KCNH7: variants seen among roughly 807,000 people sequenced by gnomAD.
The protein encoded by KCNH7 is voltage-gated inwardly rectifying potassium channel KCNH7.
KCNH7 carries 49 observed loss-of-function variants against 120.8 expected under a neutral mutation model. That is an observed-to-expected ratio of 0.41 (90% CI 0.32 to 0.51). KCNH7 has a LOEUF of 0.51. KCNH7 is among the 20% of genes least tolerant of loss of function. The pLI is 0.38. For missense variants in KCNH7, 1,097 were observed against 1,446.6 expected, an observed-to-expected ratio of 0.76 and a Z score of 3.92; for synonymous variants, 547 against 516.1, an observed-to-expected ratio of 1.06 and a Z score of -0.81.
intron 2 of KCNH7, among the ~76,000 whole-genome samples, chr2:162,611,167 G>A (rs978880176): frequency 1.3e-5 from 2 of 152,188 alleles, no homozygotes; most frequent in South Asian, 2.1e-4. Context: ...CCACCGTGGG[G>A]CCTGCTGGGT....
intron 2 of KCNH7, among the ~76,000 whole-genome samples, chr2:162,824,420 C>A (rs1017083205): frequency 6.6e-6 from 1 of 151,944 alleles, no homozygotes; most frequent in East Asian, 1.9e-4. Context: ...CATTGGGGGG[C>A]AAATTCTGAG....
chr2:162,410,305 C>A (rs191270925), intron 9 of KCNH7, among the ~76,000 whole-genome samples: 1 of 152,054 alleles, frequency 6.6e-6, no homozygotes, highest in African/African-American at 2.4e-5. Context: ...TTCAACAAAG[C>A]TGACAATAAC....
chr2:162,690,572 A>G (rs1217690693), intron 2 of KCNH7, among the ~76,000 whole-genome samples: 3 of 152,150 alleles, frequency 2.0e-5, no homozygotes. Flanking sequence ...AGATTAAAAA[A>G]TACTTGAGGA....
At chr2:162,515,017 C>T (rs1221073766) in intron 4 of KCNH7, among the ~76,000 whole-genome samples, 5 of 151,728 alleles carry the variant, frequency 3.3e-5, no homozygotes, top group African/African-American at 9.7e-5. Flanking sequence ...AGTTTTCCAT[C>T]TTTCCTTATC....
intron 2 of KCNH7, among the ~76,000 whole-genome samples, chr2:162,813,014 A>G (rs1684789942): frequency 6.6e-6 from 1 of 152,150 alleles, no homozygotes; most frequent in Non-Finnish European, 1.5e-5. Context: ...GAATTTTTAC[A>G]TGGAAAGGAG....
chr2:162,747,672 G>T (rs1688360311), intron 2 of KCNH7, among the ~76,000 whole-genome samples: 1 of 152,040 alleles, frequency 6.6e-6, no homozygotes. Context: ...GAATTTAAAG[G>T]CTTCCTGTAA....
At position 162,539,026 on chromosome 2, in the gene KCNH7, C is replaced by G. The variant is rs74535853; in HGVS notation, c.308-1946G>C. On this transcript the variant is annotated intron_variant, in intron 2 of 15. Coordinates refer to ENST00000332142, the MANE Select transcript of KCNH7 (RefSeq NM_033272.4). ...GTTGGAAAATATGCCTTAGGAATGG[C>G]AAGCTGCACCTTCAGTCTTCAGCTT... Among the ~76,000 whole-genome samples, 773 of 152,162 alleles carry G rather than the reference C, an allele frequency of 5.1e-3. 5 individuals carry two copies. The highest frequency in any genetic ancestry group is 0.018 in the African/African-American group (742 of 41,544).
chr2:162,396,601 G>T, intron 11 of KCNH7, 139 bp downstream of exon 11: 1 of 626,042 alleles, frequency 1.6e-6, no homozygotes, highest in Non-Finnish European at 2.7e-6. Flanking sequence ...TTAATATTCA[G>T]TTGGCCTTTC....
At chr2:162,393,408 C>T (rs1686802014) in intron 12 of KCNH7, among the ~76,000 whole-genome samples, 2 of 151,762 alleles carry the variant, frequency 1.3e-5, no homozygotes, top group Non-Finnish European at 2.9e-5. Flanking sequence ...AATGGGATCA[C>T]CCAGAGAAAG....
At chr2:162,484,768 C>G (rs1690038106) in intron 6 of KCNH7, among the ~76,000 whole-genome samples, 2 of 152,188 alleles carry the variant, frequency 1.3e-5, no homozygotes, top group South Asian at 4.1e-4. Flanking sequence ...CTATTCATTC[C>G]CATGAGAGCT....
At chr2:162,526,794 T>C (rs1304865224) in intron 3 of KCNH7, among the ~76,000 whole-genome samples, 1 of 151,894 alleles carries the variant, frequency 6.6e-6, no homozygotes, top group Non-Finnish European at 1.5e-5. Flanking sequence ...CGGACATACA[T>C]CCTCCTCAGC....
chr2:162,511,893 G>A (rs1285592731), intron 5 of KCNH7, among the ~76,000 whole-genome samples: 2 of 151,638 alleles, frequency 1.3e-5, no homozygotes. Context: ...CAGCATGCAT[G>A]GCCTATGTTG....
intron 2 of KCNH7, among the ~76,000 whole-genome samples, chr2:162,828,946 G>A (rs1180124307): frequency 6.6e-6 from 1 of 152,092 alleles, no homozygotes; most frequent in Non-Finnish European, 1.5e-5. Context: ...TTGCACACAA[G>A]CAGGCCTACT....
chr2:162,396,602 T>C, intron 11 of KCNH7, 138 bp downstream of exon 11: 1 of 627,924 alleles, frequency 1.6e-6, no homozygotes, highest in East Asian at 2.8e-5. Flanking sequence ...TAATATTCAG[T>C]TGGCCTTTCC....
At chr2:162,657,946 T>G (rs948643029) in intron 2 of KCNH7, among the ~76,000 whole-genome samples, 42 of 152,196 alleles carry the variant, frequency 2.8e-4, no homozygotes, top group African/African-American at 9.9e-4. Context: ...ATATATAAGT[T>G]GAAATAATCA....
At chr2:162,625,204 A>G (rs773817877) in intron 2 of KCNH7, among the ~76,000 whole-genome samples, 6 of 151,862 alleles carry the variant, frequency 4.0e-5, no homozygotes, top group Non-Finnish European at 8.8e-5. Flanking sequence ...GTCAAAGTGC[A>G]CTCTTAACTC....
chr2:162,738,139 C>T (rs1687986431), intron 2 of KCNH7, among the ~76,000 whole-genome samples: 1 of 147,054 alleles, frequency 6.8e-6, no homozygotes, highest in South Asian at 2.2e-4. Context: ...AAGATAGAAT[C>T]TTTCTGTGTA....
intron 6 of KCNH7, among the ~76,000 whole-genome samples, chr2:162,484,206 A>T (rs1196769909): frequency 1.3e-5 from 2 of 151,216 alleles, no homozygotes; most frequent in Non-Finnish European, 2.9e-5. Context: ...TGACCTAAAC[A>T]AGTTGAGTCT....
At chr2:162,798,796 A>G (rs1367497682) in intron 2 of KCNH7, among the ~76,000 whole-genome samples, 3 of 152,134 alleles carry the variant, frequency 2.0e-5, no homozygotes, top group East Asian at 1.9e-4. Flanking sequence ...TTTTTACACT[A>G]ATTTTTTTCC....
Sources: gnomAD v4.1 joint callset for allele counts (sites outside exome capture counted in the v4.1 genomes callset) on GRCh38, gnomAD v4.1.1 for gene constraint, MANE v1.5 for transcripts, NCBI Gene and HGNC (gene_info 2026-07-23, HGNC 2026-07-21) for gene names.